RAD51B: variants seen among roughly 807,000 people sequenced by gnomAD.
RAD51B encodes the protein RAD51 paralog B.
RAD51B carries 38 observed loss-of-function variants against 42.2 expected under a neutral mutation model. The ratio of observed to expected loss-of-function variants is 0.90; its 90% confidence interval spans 0.70 to 1.18. The LOEUF is 1.18. Ranked by LOEUF, RAD51B falls within the 50% of genes most tolerant of loss-of-function variation. RAD51B has a pLI of 0.00. For missense variants in RAD51B, 373 were observed against 400.7 expected (o/e 0.93, Z 0.59); for synonymous variants, 154 against 145.2 (o/e 1.06, Z -0.43).
chr14:68,322,393 T>G (rs1455874332), intron 8 of RAD51B, among the ~76,000 whole-genome samples: 1 of 152,196 alleles, frequency 6.6e-6, no homozygotes, highest in Non-Finnish European at 1.5e-5. Context: ...CCATCCAAAT[T>G]TCCTTCCCCA....
At chr14:68,294,941 CA>C in intron 8 of RAD51B, among the ~76,000 whole-genome samples, 1 of 152,146 alleles carries the variant, frequency 6.6e-6, no homozygotes, top group Non-Finnish European at 1.5e-5. Flanking sequence ...GAAGTGTGTG[CA>C]AACCAGTGAG....
At chr14:68,518,841 G>A (rs910213601) in intron 10 of RAD51B, among the ~76,000 whole-genome samples, 6 of 152,056 alleles carry the variant, frequency 3.9e-5, no homozygotes, top group Non-Finnish European at 7.4e-5. Flanking sequence ...CAAGGTCTCC[G>A]AGAGCCAGTA....
intron 7 of RAD51B, among the ~76,000 whole-genome samples, chr14:68,018,138 A>C (rs1361832703): frequency 6.6e-6 from 1 of 152,222 alleles, no homozygotes; most frequent in Non-Finnish European, 1.5e-5. Context: ...TAAGCTATGC[A>C]TTGTTAAAAT....
chr14:68,468,161 T>C lies in RAD51B; in HGVS notation c.958-11T>C, dbSNP rs1261851128. On this transcript the variant is annotated splice_polypyrimidine_tract_variant and intron_variant, in intron 9 of 10. Coordinates refer to ENST00000471583, the MANE Select transcript of RAD51B (RefSeq NM_133510.4). ...TTTGACTAACCCTAGAAAAATGTGC[T>C]TTATGTGCAGATTCTTATTGCCAAG... 1 of 1,612,650 alleles carries C rather than the reference T, an allele frequency of 6.2e-7. No individual in the cohort carries two copies. Among genetic ancestry groups the C allele is most frequent in the South Asian group, 1.1e-5 (1 of 91,066 alleles).
chr14:68,152,387 T>G (rs1285823213), intron 7 of RAD51B, among the ~76,000 whole-genome samples: 2 of 152,150 alleles, frequency 1.3e-5, no homozygotes, highest in African/African-American at 2.4e-5. Context: ...ATGTAGGCTG[T>G]GGCAGGGCTA....
intron 2 of RAD51B, 82 bp from the exon 3 acceptor site, chr14:67,825,382 A>G: frequency 1.2e-6 from 1 of 843,282 alleles, no homozygotes; most frequent in South Asian, 1.7e-5. Flanking sequence ...CTACATAAGC[A>G]GTATCAATTG....
At chr14:68,429,777 C>CT (rs1218689915) in intron 9 of RAD51B, among the ~76,000 whole-genome samples, 3 of 152,184 alleles carry the variant, frequency 2.0e-5, no homozygotes, top group African/African-American at 7.2e-5. Context: ...TCAATTTTGG[C>CT]TTTTGTGGCC....
At chr14:67,978,860 G>C (rs913176294) in intron 7 of RAD51B, among the ~76,000 whole-genome samples, 1 of 152,192 alleles carries the variant, frequency 6.6e-6, no homozygotes. Flanking sequence ...GCAAAGATGA[G>C]CATTTCCTTC....
chr14:68,478,247 G>A, downstream of RAD51B: 1 of 913,258 alleles, frequency 1.1e-6, no homozygotes, highest in Non-Finnish European at 1.3e-6. Flanking sequence ...TCACTGACAG[G>A]TTCAGATCCA....
intron 8 of RAD51B, among the ~76,000 whole-genome samples, chr14:68,331,106 G>C (rs974157165): frequency 1.3e-5 from 2 of 152,074 alleles, no homozygotes; most frequent in Non-Finnish European, 2.9e-5. Context: ...GCTCACGCCT[G>C]TAATCCCAGC....
intron 10 of RAD51B, among the ~76,000 whole-genome samples, chr14:68,505,652 G>A (rs1473062569): frequency 1.4e-5 from 2 of 147,800 alleles, no homozygotes; most frequent in Non-Finnish European, 3.0e-5. Flanking sequence ...TCTGGTTCAA[G>A]CAATTCCCCT....
At chr14:68,331,495 G>T (rs1319667968) in intron 8 of RAD51B, among the ~76,000 whole-genome samples, 1 of 150,216 alleles carries the variant, frequency 6.7e-6, no homozygotes, top group Admixed American at 6.6e-5. Flanking sequence ...GTACTAGTTG[G>T]GCCATTTTGT....
intron 7 of RAD51B, among the ~76,000 whole-genome samples, chr14:67,937,386 A>T (rs1458194999): frequency 6.6e-6 from 1 of 152,204 alleles, no homozygotes. Context: ...GGTAAGATAT[A>T]CTGTTAGAGA....
chr14:68,612,023 T>C (rs1891698475), downstream of RAD51B, among the ~76,000 whole-genome samples: 1 of 152,244 alleles, frequency 6.6e-6, no homozygotes, highest in South Asian at 2.1e-4. Context: ...CAACCTGAGC[T>C]GGTATAGATT....
chr14:68,203,768 T>G (rs940756722), intron 7 of RAD51B, among the ~76,000 whole-genome samples: 5 of 152,264 alleles, frequency 3.3e-5, no homozygotes, highest in African/African-American at 1.2e-4. Context: ...CTGCAACTTC[T>G]ACATCAGCAC....
At chr14:68,523,671 C>T (rs1886738134) in intron 10 of RAD51B, among the ~76,000 whole-genome samples, 1 of 152,158 alleles carries the variant, frequency 6.6e-6, no homozygotes, top group Non-Finnish European at 1.5e-5. Context: ...CCCTCCACTA[C>T]AAGAAAAAGC....
At chr14:68,618,147 C>A (rs1050951648) in intron 10 of RAD51B, among the ~76,000 whole-genome samples, 1 of 152,208 alleles carries the variant, frequency 6.6e-6, no homozygotes, top group African/African-American at 2.4e-5. Flanking sequence ...GAAATTACTA[C>A]AAACAAATCT....
chr14:67,852,119 C>T (rs1412079259), intron 4 of RAD51B, among the ~76,000 whole-genome samples: 1 of 152,184 alleles, frequency 6.6e-6, no homozygotes, highest in Non-Finnish European at 1.5e-5. Flanking sequence ...TGTCAGTTAC[C>T]TCCGGGAGCT....
At chr14:68,621,529 T>C (rs1159670402) in intron 10 of RAD51B, among the ~76,000 whole-genome samples, 3 of 152,248 alleles carry the variant, frequency 2.0e-5, no homozygotes, top group Non-Finnish European at 2.9e-5. Flanking sequence ...CCAGAAGAGT[T>C]GATAGCTCCT....
Sources: gnomAD v4.1 joint callset for allele counts (sites outside exome capture counted in the v4.1 genomes callset) on GRCh38, gnomAD v4.1.1 for gene constraint, MANE v1.5 for transcripts, NCBI Gene and HGNC (gene_info 2026-07-23, HGNC 2026-07-21) for gene names.